The following R3HDM1 variants were observed in gnomAD, a reference collection of about 807,000 sequenced individuals.
R3HDM1 encodes the protein R3H domain containing 1.
Under a neutral mutation model 141.1 loss-of-function variants are expected in R3HDM1, and 46 were observed. That is an observed-to-expected ratio of 0.33 (90% CI 0.26 to 0.42). R3HDM1 has a LOEUF of 0.42. Ranked by LOEUF, R3HDM1 falls within the 10% of genes least tolerant of loss-of-function variation. R3HDM1 has a pLI of 1.00. For missense variants in R3HDM1, 1,184 were observed against 1,368.3 expected, an observed-to-expected ratio of 0.87 and a Z score of 2.12; for synonymous variants, 435 against 472.9, an observed-to-expected ratio of 0.92 and a Z score of 1.04.
intron 1 of R3HDM1, among the ~76,000 whole-genome samples, chr2:135,570,516 C>T (rs1392013489): frequency 1.3e-5 from 2 of 152,140 alleles, no homozygotes; most frequent in East Asian, 3.8e-4. Flanking sequence ...GGAGAGAAAA[C>T]TTGTTTATAT....
chr2:135,683,865 T>C (rs995947639), intron 21 of R3HDM1, among the ~76,000 whole-genome samples: 1 of 152,106 alleles, frequency 6.6e-6, no homozygotes, highest in African/African-American at 2.4e-5. Flanking sequence ...TATTTCAGTA[T>C]ATTTACATGA....
At chr2:135,646,427 G>A (rs964535319) in intron 16 of R3HDM1, among the ~76,000 whole-genome samples, 8 of 151,480 alleles carry the variant, frequency 5.3e-5, no homozygotes, top group East Asian at 3.9e-4. Context: ...GAGCCACCGC[G>A]CCCGGCCTAT....
intron 1 of R3HDM1, among the ~76,000 whole-genome samples, chr2:135,541,372 T>C (rs567282741): frequency 6.6e-6 from 1 of 152,194 alleles, no homozygotes; most frequent in South Asian, 2.1e-4. Context: ...CATGCCCGGC[T>C]AATTTTTTTT....
At chr2:135,690,458 C>A (rs951842264) in intron 21 of R3HDM1, among the ~76,000 whole-genome samples, 3 of 152,138 alleles carry the variant, frequency 2.0e-5, no homozygotes, top group Admixed American at 2.0e-4. Flanking sequence ...TTGTATTATA[C>A]ACTTAAAACT....
chr2:135,625,814 G>A (rs1210547868), intron 7 of R3HDM1, among the ~76,000 whole-genome samples: 1 of 152,166 alleles, frequency 6.6e-6, no homozygotes, highest in Non-Finnish European at 1.5e-5. Context: ...CTGAACACAT[G>A]GAGGTTCCTG....
chr2:135,682,607 T>A (rs1396554838), intron 21 of R3HDM1, among the ~76,000 whole-genome samples: 3 of 152,324 alleles, frequency 2.0e-5, no homozygotes, highest in South Asian at 4.1e-4. Flanking sequence ...AAATAAAAAA[T>A]TTTTAAGAGC....
chr2:135,604,727 C>G, intron 2 of R3HDM1, 79 bp from the exon 3 acceptor site: 2 of 1,080,906 alleles, frequency 1.9e-6, no homozygotes, highest in East Asian at 5.0e-5. Flanking sequence ...ATTTCTGGAA[C>G]ATAACAGACA....
intron 1 of R3HDM1, among the ~76,000 whole-genome samples, chr2:135,602,116 T>G (rs762189108): frequency 6.6e-6 from 1 of 152,162 alleles, no homozygotes; most frequent in South Asian, 2.1e-4. Context: ...TCCATAGAGT[T>G]ACACAGCTCT....
chr2:135,585,858 A>C (rs913795869), intron 1 of R3HDM1, among the ~76,000 whole-genome samples: 1 of 152,232 alleles, frequency 6.6e-6, no homozygotes, highest in Non-Finnish European at 1.5e-5. Context: ...AAACAGATTA[A>C]GAAATAAGGA....
chr2:135,690,781 T>C (rs1477418941), intron 21 of R3HDM1, among the ~76,000 whole-genome samples: 5 of 152,134 alleles, frequency 3.3e-5, no homozygotes, highest in African/African-American at 9.7e-5. Context: ...ATTAGCAAAA[T>C]TTATTAGTAA....
At chr2:135,640,778 C>T (rs2063713526) in intron 14 of R3HDM1, among the ~76,000 whole-genome samples, 1 of 152,118 alleles carries the variant, frequency 6.6e-6, no homozygotes, top group Non-Finnish European at 1.5e-5. Flanking sequence ...GTCTCGGCCA[C>T]CTTTTTTAGC....
At chr2:135,553,304 G>A (rs1700149139) in intron 1 of R3HDM1, among the ~76,000 whole-genome samples, 1 of 152,178 alleles carries the variant, frequency 6.6e-6, no homozygotes. Context: ...ATACTGAAAT[G>A]AAGTACAACC....
intron 2 of R3HDM1, among the ~76,000 whole-genome samples, chr2:135,603,420 A>G (rs1234997266): frequency 1.3e-5 from 2 of 152,302 alleles, no homozygotes; most frequent in East Asian, 3.9e-4. Flanking sequence ...ATTTTCAGAA[A>G]TATAGAAAAG....
intron 21 of R3HDM1, among the ~76,000 whole-genome samples, chr2:135,688,642 A>G (rs2071787924): frequency 6.6e-6 from 1 of 152,200 alleles, no homozygotes; most frequent in Non-Finnish European, 1.5e-5. Flanking sequence ...TGTTATCAAG[A>G]AATACTGCGA....
At chr2:135,581,229 A>G (rs1192237709) in intron 1 of R3HDM1, 24 of 985,310 alleles carry the variant, frequency 2.4e-5, no homozygotes, top group Non-Finnish European at 2.8e-5. Context: ...GAGATACTGT[A>G]TGAAGAAAGT....
At position 135,691,911 on chromosome 2, in the gene R3HDM1, G is replaced by A. The variant is rs549235713; in HGVS notation, c.2459+11587G>A. Among the ~76,000 whole-genome samples the A allele has an allele frequency of 2.0e-4, 31 of 151,948 alleles. No individual in the cohort carries two copies. The South Asian group carries it at 5.4e-3, about 27-fold the overall frequency. ...AATATAATCACTAGAGTTTTTGTTTGTTTCTTTTTTTTTTATTTTGAGATA... is the reference window on the plus strand; with the variant it reads ...AATATAATCACTAGAGTTTTTGTTTATTTCTTTTTTTTTTATTTTGAGATA... On this transcript the variant is annotated intron_variant, in intron 21 of 26. Transcript: ENST00000683871.
intron 1 of R3HDM1, among the ~76,000 whole-genome samples, chr2:135,564,989 C>T (rs1702454201): frequency 6.6e-6 from 1 of 152,140 alleles, no homozygotes; most frequent in South Asian, 2.1e-4. Context: ...CCTAAAATGT[C>T]ATCATCCTCT....
At chr2:135,689,639 T>C (rs2071990673) in intron 21 of R3HDM1, among the ~76,000 whole-genome samples, 1 of 152,236 alleles carries the variant, frequency 6.6e-6, no homozygotes, top group Non-Finnish European at 1.5e-5. Context: ...GCTCATCCTT[T>C]CAGTTCACTG....
chr2:135,622,072 A>T (rs982086344), intron 6 of R3HDM1: 1 of 984,378 alleles, frequency 1.0e-6, no homozygotes, highest in South Asian at 4.7e-5. Flanking sequence ...TTTTAAATTT[A>T]AAAACCCAGT....
Sources: allele counts gnomAD v4.1 joint callset (sites outside exome capture counted in the v4.1 genomes callset), GRCh38; gene constraint gnomAD v4.1.1; transcripts MANE v1.5; gene names NCBI Gene and HGNC (gene_info 2026-07-23, HGNC 2026-07-21).